Variants in SMC3 observed in about 807,000 individuals in gnomAD.
The protein encoded by SMC3 is structural maintenance of chromosomes protein 3.
A neutral mutation model predicts 171.8 loss-of-function variants in SMC3; 20 were observed. The observed-to-expected ratio is 0.12, with a 90% CI of 0.08 to 0.17. SMC3 has a LOEUF of 0.17. Among genes scored for constraint, SMC3 ranks in the 10% least tolerant of loss-of-function variants. The pLI, the probability that SMC3 is intolerant of heterozygous loss-of-function variation, is 1.00. For missense variants in SMC3, 543 were observed against 1,420.4 expected (o/e 0.38, Z 9.93); for synonymous variants, 464 against 451.1 (o/e 1.03, Z -0.36).
chr10:110,597,001 T>C (rs1197676561), intron 19 of SMC3, among the ~76,000 whole-genome samples: 2 of 151,976 alleles, frequency 1.3e-5, no homozygotes, highest in Non-Finnish European at 2.9e-5. Flanking sequence ...TTTATTGTAC[T>C]TGTACAGTGG....
intron 25 of SMC3, 116 bp downstream of exon 25, chr10:110,602,294 T>A: frequency 9.7e-7 from 1 of 1,027,866 alleles, no homozygotes; most frequent in South Asian, 1.3e-5. Flanking sequence ...CTAATACATG[T>A]GAACAAACCT....
At chr10:110,598,006 T>C in intron 19 of SMC3, 133 bp from the exon 20 acceptor site, 1 of 776,978 alleles carries the variant, frequency 1.3e-6, no homozygotes, top group Non-Finnish European at 2.1e-6. Flanking sequence ...ATTGTTTTGG[T>C]CCATAAATTT....
In SMC3 at chr10:110,567,778, T is replaced by C. The variant is rs755028841; in HGVS notation, c.-39T>C. ...GACCCTGCGGCCGTGCGGTTGCTGC[T>C]CCGGGGCAGGTCTCCTTCCAGGCCA... On this transcript the variant is annotated 5_prime_UTR_variant, in exon 1 of 29. Coordinates refer to ENST00000361804, the MANE Select transcript of SMC3 (RefSeq NM_005445.4). 3.7e-6 allele frequency: 6 copies of C among 1,613,046 alleles called. No individual in the cohort carries two copies. Among genetic ancestry groups the C allele is most frequent in the Non-Finnish European group, 5.1e-6 (6 of 1,179,672 alleles).
chr10:110,597,216 G>T (rs913164719), intron 19 of SMC3, among the ~76,000 whole-genome samples: 1 of 150,484 alleles, frequency 6.6e-6, no homozygotes, highest in East Asian at 1.9e-4. Flanking sequence ...ATTTGGTGCA[G>T]ATTTAATGTT....
chr10:110,573,276 T>C (rs1439479182), intron 2 of SMC3, among the ~76,000 whole-genome samples: 2 of 152,186 alleles, frequency 1.3e-5, no homozygotes, highest in Non-Finnish European at 2.9e-5. Context: ...CACATGATAA[T>C]ATAGGGTTGA....
At chr10:110,598,742 C>G (rs2134748551) in intron 20 of SMC3, among the ~76,000 whole-genome samples, 1 of 152,166 alleles carries the variant, frequency 6.6e-6, no homozygotes, top group Middle Eastern at 3.4e-3. Context: ...TCTATTTTAC[C>G]ATTCTTAAAC....
At chr10:110,585,776 A>ACATAAAT (rs1861104016) in intron 13 of SMC3, among the ~76,000 whole-genome samples, 1 of 151,510 alleles carries the variant, frequency 6.6e-6, no homozygotes, top group African/African-American at 2.4e-5. Context: ...TATTAATTGT[A>ACATAAAT]TATTATATAT....
chr10:110,578,432 A>C (rs1049145284), intron 6 of SMC3, among the ~76,000 whole-genome samples, 196 bp from the exon 7 acceptor site: 2 of 152,214 alleles, frequency 1.3e-5, no homozygotes, highest in African/African-American at 4.8e-5. Context: ...TTCATATATG[A>C]GGAATATTTG....
intron 5 of SMC3, 25 bp from the exon 6 acceptor site, chr10:110,577,804 ATTAACT>A: frequency 6.7e-7 from 1 of 1,491,676 alleles, no homozygotes. Context: ...TTACTATTAA[ATTAACT>A]GTGGGCTTTT....
At chr10:110,589,770 G>A in intron 14 of SMC3, 62 bp downstream of exon 14, 1 of 1,414,642 alleles carries the variant, frequency 7.1e-7, no homozygotes, top group Non-Finnish European at 1.0e-6. Context: ...GCTGTTATGT[G>A]GTCTTTAAGT....
chr10:110,577,541 C>G (rs1187709377), intron 5 of SMC3, 49 bp downstream of exon 5: 1 of 1,305,460 alleles, frequency 7.7e-7, no homozygotes, highest in Admixed American at 1.7e-5. Flanking sequence ...ATTGGTTTAG[C>G]TGATTTTCTT....
intron 13 of SMC3, among the ~76,000 whole-genome samples, chr10:110,586,932 C>T (rs962451309): frequency 6.6e-6 from 1 of 152,170 alleles, no homozygotes; most frequent in Admixed American, 6.5e-5. Flanking sequence ...GCTGGGATTA[C>T]AGGCGTGAGC....
chr10:110,604,689 A>C lies in SMC3; in HGVS notation c.*387A>C, dbSNP rs973716727. On this transcript the variant is annotated 3_prime_UTR_variant, in exon 29 of 29. Coordinates refer to ENST00000361804, the MANE Select transcript of SMC3 (RefSeq NM_005445.4). ...CATAGTCTCTTCCAGTGAGAACACTAATCAGATTGGATGTAAGGCCTCATT... is the reference window on the plus strand; with the variant it reads ...CATAGTCTCTTCCAGTGAGAACACTCATCAGATTGGATGTAAGGCCTCATT... The C allele has an allele frequency of 4.7e-6, 1 of 212,728 alleles. No homozygotes were observed. Among genetic ancestry groups the C allele is most frequent in the Non-Finnish European group, 9.4e-6 (1 of 105,852 alleles). The allele number at this position is 212,728 out of a possible 1,614,324, so 13.2% of individuals were successfully genotyped here.
intron 20 of SMC3, among the ~76,000 whole-genome samples, chr10:110,599,295 C>T (rs1450279350): frequency 6.6e-6 from 1 of 152,182 alleles, no homozygotes; most frequent in South Asian, 2.1e-4. Context: ...ACGGGTTTCA[C>T]CATGTTGGCC....
chr10:110,600,339 C>T, intron 21 of SMC3, 100 bp from the exon 22 acceptor site: 1 of 730,428 alleles, frequency 1.4e-6, no homozygotes, highest in East Asian at 2.5e-5. Context: ...AACTTCATTT[C>T]AGCTCACATG....
In SMC3 at chr10:110,590,639, G is replaced by A. The variant is rs1861192153; in HGVS notation, c.1670+67G>A. The A allele has an allele frequency of 2.3e-5, 31 of 1,368,872 alleles. 1 individual carries two copies. The highest frequency in any genetic ancestry group is 2.9e-5 in the Non-Finnish European group (28 of 962,814). The allele number at this position is 1,368,872 out of a possible 1,614,324, so 84.8% of individuals were successfully genotyped here. On this transcript the variant is annotated intron_variant, in intron 16 of 28. Coordinates refer to ENST00000361804, the MANE Select transcript of SMC3 (RefSeq NM_005445.4). ...AATAAGAATAGCTTAAACAACTTTT[G>A]TAGTTTTTGTACAACATATCTTCCA...
In SMC3 at chr10:110,602,261, G is replaced by T. The variant is rs2039874; in HGVS notation, c.3105+83G>T. 0.99 allele frequency: 1,310,988 copies of T among 1,327,154 alleles called. 647,659 individuals carry two copies. The highest frequency in any genetic ancestry group is 1 in the South Asian group (82,724 of 83,008). 82.2% of individuals were successfully genotyped at this position (1,327,154 alleles called of 1,614,324 possible). A position where few individuals can be genotyped will look rare whatever the true frequency, so the allele number is the denominator to read the frequency against. On this transcript the variant is annotated intron_variant, in intron 25 of 28. Coordinates refer to ENST00000361804, the MANE Select transcript of SMC3 (RefSeq NM_005445.4). ...TTCAGTTTGTAAAGATTTTAAAGCT[G>T]TTTTCCTCATTACCAGGTGAATCTA...
intron 28 of SMC3, 105 bp from the exon 29 acceptor site, chr10:110,604,120 AAAAATT>A: frequency 3.4e-6 from 2 of 595,870 alleles, no homozygotes; most frequent in Non-Finnish European, 5.8e-6. Flanking sequence ...AAAAAAAACT[AAAAATT>A]AAAAAATGTA....
chr10:110,600,370 C>A, intron 21 of SMC3, 69 bp from the exon 22 acceptor site: 1 of 810,652 alleles, frequency 1.2e-6, no homozygotes, highest in Admixed American at 1.7e-5. Context: ...CTAGAGAGGA[C>A]AGCAAATGAG....
Sources: gnomAD v4.1 joint callset for allele counts (sites outside exome capture counted in the v4.1 genomes callset) on GRCh38, gnomAD v4.1.1 for gene constraint, MANE v1.5 for transcripts, NCBI Gene and HGNC (gene_info 2026-07-23, HGNC 2026-07-21) for gene names.